Variants in VSIG8 observed in about 807,000 individuals in gnomAD.
VSIG8 encodes V-set and immunoglobulin domain containing 8.
A neutral mutation model predicts 42.6 loss-of-function variants in VSIG8; 32 were observed. The observed-to-expected ratio is 0.75, with a 90% CI of 0.57 to 1.01. The LOEUF is 1.01. Among genes scored for constraint, VSIG8 ranks in the 50% least tolerant of loss-of-function variants. VSIG8 has a pLI of 0.00. For synonymous variants in VSIG8, 290 were observed against 243.8 expected (o/e 1.19, Z -1.77); for missense variants, 529 against 558.0 (o/e 0.95, Z 0.52).
chr1:159,861,630 T>G (rs1026540524), intron 1 of VSIG8: 2 of 145,510 alleles, frequency 1.4e-5, no homozygotes, highest in African/African-American at 4.9e-5. Flanking sequence ...ACACAAAGGC[T>G]GAAAATGTCA....
chr1:159,855,008 G>T lies in VSIG8; in HGVS notation c.990C>A (p.Pro330=). The T allele has an allele frequency of 6.4e-7, 1 of 1,567,914 alleles. No homozygotes were observed. Among genetic ancestry groups the T allele is most frequent in the East Asian group, 2.4e-5 (1 of 41,816 alleles). The part of the protein sequence containing the change: ...ASEIREDAVA[P]GCKASGRGSR... ...TGCCGCGCCCGCTGGCCTTGCACCC[G>T]GGCGCCACGGCGTCCTCTCTGTGGA... The change falls in exon 7 of 7, where the codon CCC becomes CCA. Residue 330 remains proline, a synonymous_variant. Transcript: ENST00000368100.
Position 159,862,588 on chromosome 1 carries a change from G to C in VSIG8, c.-67C>G. 1 of 1,499,616 alleles carries C rather than the reference G, an allele frequency of 6.7e-7. No homozygotes were observed. Among genetic ancestry groups the C allele is most frequent in the Non-Finnish European group, 9.2e-7 (1 of 1,091,724 alleles). 92.9% of individuals were successfully genotyped at this position (1,499,616 alleles called of 1,614,324 possible). A position where few individuals can be genotyped will look rare whatever the true frequency, so the allele number is the denominator to read the frequency against. On this transcript the variant is annotated 5_prime_UTR_variant, in exon 1 of 7. Transcript: ENST00000368100. ...CGTGGGGTCGTAGTGGTGGGTGTGA[G>C]GGGGTAGGTGGAGGGAGGGGGAGCT...
At chr1:159,855,447 A>T in intron 6 of VSIG8, 8 of 1,414,296 alleles carry the variant, frequency 5.7e-6, no homozygotes, top group Non-Finnish European at 7.3e-6. Context: ...TCCATCCCCG[A>T]GGCATTGCAA....
chr1:159,855,936 G>T lies in VSIG8; in HGVS notation c.918C>A (p.Gly306=), dbSNP rs1347948925. 1.9e-6 allele frequency: 3 copies of T among 1,571,614 alleles called. No homozygotes were observed. Among genetic ancestry groups the T allele is most frequent in the South Asian group, 2.3e-5 (2 of 86,686 alleles). ...AGGARGAFGY[G]NGGGVGGGAC... ...CCCCTCCGCCGACCCCGCCGCCGTT[G>T]CCGTAGCCGAAGGCACCGCGGGCGC... The change falls in exon 6 of 7, where the codon GGC becomes GGA. Residue 306 remains glycine, a synonymous_variant. Transcript: ENST00000368100.
intron 6 of VSIG8, 79 bp from the exon 7 acceptor site, chr1:159,855,105 C>A: frequency 6.4e-7 from 1 of 1,552,536 alleles, no homozygotes; most frequent in South Asian, 1.2e-5. Flanking sequence ...GAGCCGGGGG[C>A]TCTTGGCAAC....
In VSIG8 at chr1:159,854,412, G is replaced by T; in HGVS notation, c.*341C>A. ...CGTCCAGACAGACCCCCACCCACCC[G>T]GCCCCCGGGGCCCTCTGCTTAGGCT... On this transcript the variant is annotated 3_prime_UTR_variant, in exon 7 of 7. Coordinates refer to ENST00000368100, the MANE Select transcript of VSIG8 (RefSeq NM_001013661.1). 1 of 181,220 alleles carries T rather than the reference G, an allele frequency of 5.5e-6. No individual in the cohort carries two copies. The highest frequency in any genetic ancestry group is 1.6e-4 in the South Asian group (1 of 6,396). 11.2% of individuals were successfully genotyped at this position (181,220 alleles called of 1,614,324 possible).
chr1:159,858,635 G>T, intron 2 of VSIG8, 99 bp downstream of exon 2: 1 of 1,388,684 alleles, frequency 7.2e-7, no homozygotes. Flanking sequence ...AGGCCTTGGG[G>T]GAGGTTCAAG....
At position 159,854,761 on chromosome 1, in the gene VSIG8, A is replaced by G; in HGVS notation, c.1237T>C (p.Leu413=). Residue 413 remains leucine, a synonymous_variant, in exon 7 of 7, where the codon TTG becomes CTG. Coordinates refer to ENST00000368100, the MANE Select transcript of VSIG8 (RefSeq NM_001013661.1). The part of the protein sequence containing the change: ...EGPVQCKNGL[L]V ...CGGCCCGGCGCGCGCGCTCACACCA[A>G]GAGGCCGTTCTTGCACTGCACCGGC... 1 of 1,492,072 alleles carries G rather than the reference A, an allele frequency of 6.7e-7. No individual in the cohort carries two copies. Among genetic ancestry groups the G allele is most frequent in the Non-Finnish European group, 8.9e-7 (1 of 1,128,482 alleles). 92.4% of individuals were successfully genotyped at this position (1,492,072 alleles called of 1,614,324 possible).
chr1:159,857,766 A>G lies in VSIG8; in HGVS notation c.631T>C (p.Phe211Leu). The change falls in exon 4 of 7, where the codon TTC (phenylalanine) becomes CTC (leucine). Residue 211 changes from phenylalanine (F) to leucine (L), a missense_variant. Phe to Leu is a conservative substitution (Grantham distance 22, BLOSUM62 0). Transcript: ENST00000368100. ...YHSELSYQES[F>L]HSSINQGLNN... ...TCACCTTGGTTTATGGAGCTGTGGAAGGACTCCTGGTAGGACAGCTCTGAG... is the reference window on the plus strand; with the variant it reads ...TCACCTTGGTTTATGGAGCTGTGGAGGGACTCCTGGTAGGACAGCTCTGAG... 2.5e-6 allele frequency: 4 copies of G among 1,614,054 alleles called. No homozygotes were observed. The highest frequency in any genetic ancestry group is 3.4e-6 in the Non-Finnish European group (4 of 1,179,960).
chr1:159,861,126 G>C (rs985890837), intron 1 of VSIG8: 3 of 152,380 alleles, frequency 2.0e-5, no homozygotes, highest in African/African-American at 7.2e-5. Context: ...CTGGAGAGAG[G>C]GAAGAAAGGC....
intron 3 of VSIG8, 57 bp downstream of exon 3, chr1:159,858,033 A>T: frequency 6.2e-7 from 1 of 1,612,496 alleles, no homozygotes; most frequent in South Asian, 1.1e-5. Flanking sequence ...CAAAGTGGCC[A>T]AGCTGCCCTT....
intron 4 of VSIG8, among the ~76,000 whole-genome samples, chr1:159,856,909 G>A (rs115007925): frequency 0.021 from 3,247 of 152,252 alleles, 124 homozygotes; most frequent in African/African-American, 0.072. Flanking sequence ...AAATATGTAC[G>A]CTCTCTGAGC....
In VSIG8 at chr1:159,854,940, C is replaced by G; in HGVS notation, c.1058G>C (p.Ser353Thr). Residue 353 changes from serine to threonine, a missense_variant, in exon 7 of 7, where the codon AGC becomes ACC. Ser to Thr is a moderately conservative substitution (Grantham distance 58). Coordinates refer to ENST00000368100, the MANE Select transcript of VSIG8 (RefSeq NM_001013661.1). ...CGCGTACTTGCGGCGCAGGGAGCGGCTGACGTTCTGCGTCGGGTACCCCAG... is the reference window on the plus strand; with the variant it reads ...CGCGTACTTGCGGCGCAGGGAGCGGGTGACGTTCTGCGTCGGGTACCCCAG... ...HLLGYPTQNVSRSLRRKYAPP... is the reference protein window; with the variant it reads ...HLLGYPTQNVTRSLRRKYAPP... 1 of 1,523,558 alleles carries G rather than the reference C, an allele frequency of 6.6e-7. No homozygotes were observed. 94.4% of individuals were successfully genotyped at this position (1,523,558 alleles called of 1,614,324 possible).
rs142337981 is a variant in VSIG8 at position 159,862,488 on chromosome 1, C to A, written c.34G>T (p.Val12Leu). The A allele has an allele frequency of 1.2e-6, 2 of 1,613,066 alleles. No homozygotes were observed. Among genetic ancestry groups the A allele is most frequent in the African/African-American group, 2.7e-5 (2 of 74,884 alleles). The change falls in exon 1 of 7, where the codon GTG becomes TTG. Residue 12 changes from valine (V) to leucine (L), a missense_variant. By Grantham distance (32) the Val-to-Leu change is conservative (BLOSUM62 1). Transcript: ENST00000368100. ...RVGGAFHLLL[V>L]CLSPALLSAV... ...AGCCCCGTACCTGGGCTCAGGCACA[C>A]GAGTAGAAGGTGGAATGCTCCTCCA...
At chr1:159,860,381 A>G (rs1648980836) in intron 1 of VSIG8, among the ~76,000 whole-genome samples, 1 of 152,106 alleles carries the variant, frequency 6.6e-6, no homozygotes, top group South Asian at 2.1e-4. Flanking sequence ...AGACACACCC[A>G]CCGTGTGTTC....
In VSIG8 at chr1:159,855,651, G is replaced by C. The variant is rs376867413; in HGVS notation, c.971+232C>G. On this transcript the variant is annotated intron_variant, in intron 6 of 6. Transcript: ENST00000368100. ...CAGTCTAGACAAGACAGACAGGTGCGTAGGCAGGAGGGAAATGGAAGGCAG... is the reference window on the plus strand; with the variant it reads ...CAGTCTAGACAAGACAGACAGGTGCCTAGGCAGGAGGGAAATGGAAGGCAG... The C allele has an allele frequency of 7.2e-6, 7 of 965,598 alleles. No individual in the cohort carries two copies. The East Asian group carries it at 3.5e-4, about 48-fold the overall frequency. The allele number at this position is 965,598 out of a possible 1,614,324, so 59.8% of individuals were successfully genotyped here.
At chr1:159,856,235 TG>T in intron 5 of VSIG8, 154 bp from the exon 6 acceptor site, 1 of 804,492 alleles carries the variant, frequency 1.2e-6, no homozygotes, top group Non-Finnish European at 1.9e-6. Context: ...GGGGAAGATA[TG>T]GGGAGATGCA....
chr1:159,855,976 C>A lies in VSIG8; in HGVS notation c.878G>T (p.Gly293Val). 6.3e-7 allele frequency: 1 copy of A among 1,597,614 alleles called. No homozygotes were observed. The highest frequency in any genetic ancestry group is 8.5e-7 in the Non-Finnish European group (1 of 1,172,620). Residue 293 changes from glycine to valine, a missense_variant, in exon 6 of 7, where the codon GGC becomes GTC. Coordinates refer to ENST00000368100, the MANE Select transcript of VSIG8 (RefSeq NM_001013661.1). The stretch of plus-strand genomic sequence containing the variant: ...ACCGCGGGCGCCGCCAGCCCCGGAG[C>A]CCCCGCAGCAGCAGCAGACGAGCCC... Reference protein sequence around the residue: ...IWGLVCCCCGGSGAGGARGAF... With the variant: ...IWGLVCCCCGVSGAGGARGAF...
chr1:159,855,320 T>C, intron 6 of VSIG8: 1 of 1,510,360 alleles, frequency 6.6e-7, no homozygotes, highest in Non-Finnish European at 8.9e-7. Flanking sequence ...TTTCTGATGT[T>C]TCGCAGGCCC....
Sources: allele counts gnomAD v4.1 joint callset (sites outside exome capture counted in the v4.1 genomes callset), GRCh38; gene constraint gnomAD v4.1.1; transcripts MANE v1.5; gene names NCBI Gene and HGNC (gene_info 2026-07-23, HGNC 2026-07-21).